LY9: variants seen among roughly 807,000 people sequenced by gnomAD.
LY9 encodes lymphocyte antigen 9, also known as T-lymphocyte surface antigen Ly-9.
Under a neutral mutation model 64.6 loss-of-function variants are expected in LY9, and 59 were observed. The ratio of observed to expected loss-of-function variants is 0.91; its 90% CI spans 0.74 to 1.13. The LOEUF is 1.13. Ranked by LOEUF, LY9 falls within the 50% of genes most tolerant of loss-of-function variation. The pLI, the probability that LY9 is intolerant of heterozygous loss-of-function variation, is 0.00. For missense variants in LY9, 789 were observed against 797.2 expected, an observed-to-expected ratio of 0.99 and a Z score of 0.12; for synonymous variants, 281 against 308.5, an observed-to-expected ratio of 0.91 and a Z score of 0.93.
At chr1:160,825,755 T>C (rs1668818881) in intron 9 of LY9, among the ~76,000 whole-genome samples, 1 of 151,982 alleles carries the variant, frequency 6.6e-6, no homozygotes, top group African/African-American at 2.4e-5. Flanking sequence ...ACTAAAAATA[T>C]TAAAATTACC....
At chr1:160,824,305 T>G in intron 9 of LY9, 56 bp downstream of exon 9, 1 of 1,603,636 alleles carries the variant, frequency 6.2e-7, no homozygotes, top group Non-Finnish European at 8.5e-7. Context: ...GAACTATTCC[T>G]TAGACCCTTT....
At chr1:160,823,372 A>G in intron 7 of LY9, 93 bp from the exon 8 acceptor site, 1 of 899,846 alleles carries the variant, frequency 1.1e-6, no homozygotes, top group East Asian at 2.6e-5. Context: ...GCCTCATCTA[A>G]TGCAGGCATC....
intron 2 of LY9, among the ~76,000 whole-genome samples, chr1:160,801,409 T>G (rs936613743): frequency 3.3e-5 from 5 of 152,206 alleles, no homozygotes; most frequent in Non-Finnish European, 7.3e-5. Context: ...GAATTATTCG[T>G]TTTTTCTTGT....
intron 2 of LY9, among the ~76,000 whole-genome samples, chr1:160,802,974 G>A (rs1463182078): frequency 6.6e-6 from 1 of 152,004 alleles, no homozygotes; most frequent in South Asian, 2.1e-4. Flanking sequence ...TTGTGCTTCC[G>A]TATATATTTT....
At chr1:160,802,056 T>C in intron 2 of LY9, 1 of 1,413,190 alleles carries the variant, frequency 7.1e-7, no homozygotes, top group Non-Finnish European at 9.2e-7. Flanking sequence ...ACGTGGGCGT[T>C]AGGCGTGTCC....
In LY9 at chr1:160,823,669, A is replaced by G. The variant is rs149452658; in HGVS notation, c.1703A>G (p.Gln568Arg). 2 of 1,613,992 alleles carry G rather than the reference A, an allele frequency of 1.2e-6. No individual in the cohort carries two copies. The highest frequency in any genetic ancestry group is 2.7e-5 in the African/African-American group (2 of 74,920). Reference sequence around the variant, plus strand: ...TATGAGGTATTTGACCAGGTCACTCAGGAGGGCGCTGGACATGACCCAGCC... The same window carrying G: ...TATGAGGTATTTGACCAGGTCACTCGGGAGGGCGCTGGACATGACCCAGCC... ...GRYEVFDQVTQEGAGHDPAPE... is the reference protein window; with the variant it reads ...GRYEVFDQVTREGAGHDPAPE... Residue 568 changes from glutamine to arginine, a missense_variant, in exon 8 of 10, where the codon CAG (glutamine) becomes CGG (arginine). Transcript: ENST00000263285.
intron 3 of LY9, 120 bp downstream of exon 3, chr1:160,814,031 C>A: frequency 1.9e-6 from 2 of 1,058,174 alleles, no homozygotes; most frequent in Non-Finnish European, 1.4e-6. Flanking sequence ...GGACAGGCCC[C>A]AAAACCCCTT....
At chr1:160,827,121 G>T (rs1668894041) in intron 9 of LY9, among the ~76,000 whole-genome samples, 1 of 152,186 alleles carries the variant, frequency 6.6e-6, no homozygotes, top group African/African-American at 2.4e-5. Flanking sequence ...GATCTCTGAA[G>T]GCCATTATTG....
At chr1:160,796,426 C>A in intron 1 of LY9, 115 bp downstream of exon 1, 1 of 1,304,310 alleles carries the variant, frequency 7.7e-7, no homozygotes, top group Non-Finnish European at 1.0e-6. Flanking sequence ...CGGAGTCTCA[C>A]TCTGTTGCCA....
chr1:160,796,381 G>C (rs1237332397), intron 1 of LY9, 70 bp downstream of exon 1: 1 of 1,507,676 alleles, frequency 6.6e-7, no homozygotes, highest in Non-Finnish European at 8.9e-7. Context: ...TTCCCTGCCT[G>C]GGAGATTCTT....
At chr1:160,823,975 G>A (rs1282167933) in intron 8 of LY9, among the ~76,000 whole-genome samples, 179 bp downstream of exon 8, 2 of 152,096 alleles carry the variant, frequency 1.3e-5, no homozygotes, top group Non-Finnish European at 2.9e-5. Context: ...GTGGAACGAG[G>A]GACTTGTCCC....
chr1:160,806,547 T>C (rs1006861071), intron 2 of LY9, among the ~76,000 whole-genome samples: 3 of 152,228 alleles, frequency 2.0e-5, no homozygotes, highest in African/African-American at 7.2e-5. Context: ...ACTCTTTGAA[T>C]ATATTATTCC....
chr1:160,817,436 A>C (rs1668045301), intron 5 of LY9, among the ~76,000 whole-genome samples: 1 of 152,238 alleles, frequency 6.6e-6, no homozygotes, highest in Admixed American at 6.5e-5. Context: ...GGGCTTATGC[A>C]TAGCTTGTGG....
intron 7 of LY9, among the ~76,000 whole-genome samples, chr1:160,821,932 G>C (rs769527515): frequency 6.6e-6 from 1 of 152,156 alleles, no homozygotes; most frequent in South Asian, 2.1e-4. Context: ...TTACGTGCCC[G>C]AGTTTCCTCA....
rs535790454 is a variant in LY9, at chr1:160,827,401, T to C, written c.1900-347T>C. Among the ~76,000 whole-genome samples, 3 of 152,316 alleles carry C rather than the reference T, an allele frequency of 2.0e-5. No individual in the cohort carries two copies. In the South Asian group the frequency reaches 6.2e-4, roughly 32 times the overall value. ...AACCTCTGCCATCTAAATTATCTTCTTATAAATGTTCGTTTTGTTTCTCCA... is the reference window on the plus strand; with the variant it reads ...AACCTCTGCCATCTAAATTATCTTCCTATAAATGTTCGTTTTGTTTCTCCA... On this transcript the variant is annotated intron_variant, in intron 9 of 9. Coordinates refer to ENST00000263285, the MANE Select transcript of LY9 (RefSeq NM_002348.4).
At chr1:160,797,121 G>A in intron 1 of LY9, 5 of 985,532 alleles carry the variant, frequency 5.1e-6, no homozygotes, top group Non-Finnish European at 6.0e-6. Flanking sequence ...CCCAACTCCT[G>A]GGAAACATCT....
intron 2 of LY9, 68 bp downstream of exon 2, chr1:160,800,150 G>T: frequency 7.6e-7 from 1 of 1,316,188 alleles, no homozygotes. Context: ...TATGGGGTAT[G>T]TGTGAAATTT....
intron 9 of LY9, chr1:160,824,492 A>G (rs1276723008): frequency 2.0e-6 from 2 of 984,948 alleles, no homozygotes; most frequent in African/African-American, 3.5e-5. Context: ...TATTTTTAAC[A>G]CTGACCTGAA....
Position 160,799,889 on chromosome 1 carries a change from T to C in LY9, c.261T>C (p.Leu87=), listed in dbSNP as rs1666280323. 1.2e-6 allele frequency: 2 copies of C among 1,614,208 alleles called. No individual in the cohort carries two copies. Among genetic ancestry groups the C allele is most frequent in the Admixed American group, 1.7e-5 (1 of 60,024 alleles). ...TCTGGATTGGTCCCAAAAATGCTCTTGCTTTCGCACGTCCCAAAGAAAATG... is the reference window on the plus strand; with the variant it reads ...TCTGGATTGGTCCCAAAAATGCTCTCGCTTTCGCACGTCCCAAAGAAAATG... The part of the protein sequence containing the change: ...NVIWIGPKNA[L]AFARPKENVT... Residue 87 remains leucine, a synonymous_variant, in exon 2 of 10, where the codon CTT becomes CTC. Coordinates refer to ENST00000263285, the MANE Select transcript of LY9 (RefSeq NM_002348.4).
Sources: gnomAD v4.1 joint callset for allele counts (sites outside exome capture counted in the v4.1 genomes callset) on GRCh38, gnomAD v4.1.1 for gene constraint, MANE v1.5 for transcripts, NCBI Gene and HGNC (gene_info 2026-07-23, HGNC 2026-07-21) for gene names.